KHDRBS2: variants seen among roughly 807,000 people sequenced by gnomAD.
KHDRBS2 encodes the protein KH RNA binding domain containing, signal transduction associated 2.
In KHDRBS2, 26 loss-of-function variants were observed where a neutral mutation model predicts 44.3. The observed-to-expected ratio is 0.59, with a 90% CI of 0.43 to 0.81. The LOEUF (loss-of-function observed/expected upper bound fraction) is 0.81. Ranked by LOEUF, KHDRBS2 falls within the 40% of genes least tolerant of loss-of-function variation. KHDRBS2 has a pLI of 0.00. For missense variants in KHDRBS2, 476 were observed against 433.1 expected, an observed-to-expected ratio of 1.10 and a Z score of -0.88; for synonymous variants, 194 against 151.1, an observed-to-expected ratio of 1.28 and a Z score of -2.08.
rs1219548161 is a variant in KHDRBS2 at position 61,954,943 on chromosome 6, TGTATACATATATATGTATATATAC to T, written c.483+23099_483+23122del. On this transcript the variant is annotated intron_variant, in intron 4 of 8. Transcript: ENST00000281156. ...ATATGTATACACATACATATGTATG[TGTATACATATATATGTATATATAC>T]GCATACATATGTATGTGTATACATA... 5.8e-4 allele frequency among the ~76,000 whole-genome samples: 40 copies of T among 69,472 alleles called. 5 individuals carry two copies. In the South Asian group the frequency reaches 0.015, roughly 26 times the overall value. The allele number at this position is 69,472 out of a possible 152,430, so 45.6% of individuals were successfully genotyped here.
At chr6:61,823,248 A>T (rs1381444466) in intron 6 of KHDRBS2, among the ~76,000 whole-genome samples, 1 of 152,064 alleles carries the variant, frequency 6.6e-6, no homozygotes, top group Non-Finnish European at 1.5e-5. Context: ...CTTAGTTCTC[A>T]CTAAAGGTTT....
chr6:62,012,954 G>C (rs1780568051), intron 3 of KHDRBS2, among the ~76,000 whole-genome samples: 1 of 152,130 alleles, frequency 6.6e-6, no homozygotes, highest in Non-Finnish European at 1.5e-5. Context: ...AATATCTCCA[G>C]CAACTAGGAA....
At chr6:62,005,706 A>G (rs1779086038) in intron 3 of KHDRBS2, among the ~76,000 whole-genome samples, 1 of 151,832 alleles carries the variant, frequency 6.6e-6, no homozygotes, top group Admixed American at 6.6e-5. Flanking sequence ...AATAAAGAAT[A>G]TAAAATAACA....
At chr6:62,018,401 G>A (rs1781632429) in intron 3 of KHDRBS2, among the ~76,000 whole-genome samples, 1 of 151,272 alleles carries the variant, frequency 6.6e-6, no homozygotes, top group Non-Finnish European at 1.5e-5. Context: ...AAACCAGGCC[G>A]GAGTGTAGTG....
the KHDRBS2 span, among the ~76,000 whole-genome samples, chr6:61,545,765 T>C: frequency 4.6e-5 from 7 of 151,892 alleles, no homozygotes; most frequent in African/African-American, 1.7e-4. Context: ...AAGGAAGTAA[T>C]TAAGGTTAAG....
intron 3 of KHDRBS2, among the ~76,000 whole-genome samples, chr6:62,042,804 A>C (rs764305086): frequency 5.3e-5 from 8 of 152,152 alleles, no homozygotes; most frequent in Non-Finnish European, 1.0e-4. Flanking sequence ...TAGAAACTGC[A>C]CATTATTACT....
rs182295439 is a variant in KHDRBS2 at position 61,856,171 on chromosome 6, A to C, written c.810+38464T>G. 3.0e-4 allele frequency among the ~76,000 whole-genome samples: 46 copies of C among 152,092 alleles called. 1 individual carries two copies. The East Asian group carries it at 7.7e-3, about 26-fold the overall frequency. On this transcript the variant is annotated intron_variant, in intron 6 of 8. Coordinates refer to ENST00000281156, the MANE Select transcript of KHDRBS2 (RefSeq NM_152688.4). Reference sequence around the variant, plus strand: ...ATTTCACTATGTGCTTTCATACTCCATTTAGCATTTTAATTTGTTTATTCC... The same window carrying C: ...ATTTCACTATGTGCTTTCATACTCCCTTTAGCATTTTAATTTGTTTATTCC...
rs530986660 is a variant in KHDRBS2, at chr6:61,788,142, G to A, written c.811-55378C>T. Among the ~76,000 whole-genome samples the A allele has an allele frequency of 2.0e-5, 3 of 151,608 alleles. No individual in the cohort carries two copies. In the South Asian group the frequency reaches 6.2e-4, roughly 31 times the overall value. On this transcript the variant is annotated intron_variant, in intron 6 of 8. Transcript: ENST00000281156. Reference sequence around the variant, plus strand: ...GGACAAAATAATGGTCTCATATGTTGTTACAAAATAAAATATTGCATTAGA... The same window carrying A: ...GGACAAAATAATGGTCTCATATGTTATTACAAAATAAAATATTGCATTAGA...
intron 6 of KHDRBS2, among the ~76,000 whole-genome samples, chr6:61,860,011 C>G (rs373113276): frequency 1.1e-3 from 165 of 151,952 alleles, no homozygotes; most frequent in African/African-American, 3.9e-3. Flanking sequence ...TTCAGTGTAT[C>G]ATAATCAATG....
chr6:61,689,377 T>A (rs553133189), intron 8 of KHDRBS2, among the ~76,000 whole-genome samples: 166 of 152,072 alleles, frequency 1.1e-3, no homozygotes, highest in African/African-American at 3.9e-3. Flanking sequence ...ACCCCCGAAT[T>A]TGTAGCCAGC....
chr6:62,082,442 G>C (rs1797585936), intron 2 of KHDRBS2, among the ~76,000 whole-genome samples: 1 of 151,760 alleles, frequency 6.6e-6, no homozygotes, highest in Admixed American at 6.6e-5. Flanking sequence ...TGAAGATGAA[G>C]GAAAATGATG....
At chr6:62,103,681 T>C (rs1802446978) in intron 2 of KHDRBS2, among the ~76,000 whole-genome samples, 2 of 151,974 alleles carry the variant, frequency 1.3e-5, no homozygotes, top group South Asian at 4.2e-4. Context: ...CCTGGCTCCC[T>C]GTGGCTCTGC....
intron 2 of KHDRBS2, among the ~76,000 whole-genome samples, chr6:62,170,648 G>A (rs968299980): frequency 1.3e-5 from 2 of 152,244 alleles, no homozygotes; most frequent in East Asian, 1.9e-4. Context: ...GCTGGCACAT[G>A]AGAACAACCA....
intron 7 of KHDRBS2, among the ~76,000 whole-genome samples, chr6:61,707,993 A>C (rs554793004): frequency 1.3e-5 from 2 of 151,820 alleles, no homozygotes; most frequent in Non-Finnish European, 3.0e-5. Context: ...AATATAAAAA[A>C]TATATAGCTT....
chr6:61,724,449 A>T (rs1298832843), intron 7 of KHDRBS2, among the ~76,000 whole-genome samples: 2 of 152,152 alleles, frequency 1.3e-5, no homozygotes, highest in East Asian at 3.9e-4. Flanking sequence ...AAAGGATCAA[A>T]TTTACATATA....
At chr6:61,671,088 C>T in the KHDRBS2 span, among the ~76,000 whole-genome samples, 1 of 151,536 alleles carries the variant, frequency 6.6e-6, no homozygotes. Flanking sequence ...AAAAAGTAGA[C>T]TGTGAATTTA....
At chr6:62,169,090 T>C (rs1394057035) in intron 2 of KHDRBS2, among the ~76,000 whole-genome samples, 1 of 138,122 alleles carries the variant, frequency 7.2e-6, no homozygotes, top group African/African-American at 2.6e-5. Flanking sequence ...TATATACACA[T>C]TTATATTTAT....
intron 4 of KHDRBS2, among the ~76,000 whole-genome samples, chr6:61,965,882 A>G (rs1769812350): frequency 6.6e-6 from 1 of 152,054 alleles, no homozygotes; most frequent in Admixed American, 6.6e-5. Context: ...TTTAAAATAT[A>G]ATAGACATTC....
In KHDRBS2 at chr6:61,680,959, ACCTTCAATATCTAC is replaced by A; in HGVS notation, c.1040_*3del. 1 of 1,592,898 alleles carries A rather than the reference ACCTTCAATATCTAC, an allele frequency of 6.3e-7. No homozygotes were observed. Among genetic ancestry groups the A allele is most frequent in the Non-Finnish European group, 8.6e-7 (1 of 1,162,796 alleles). On this transcript the variant is annotated stop_lost and 3_prime_UTR_variant, in exon 9 of 9. Transcript: ENST00000281156. ...TGAGGTGAGGTCACAGGTGGGAAGG[ACCTTCAATATCTAC>A]CATAGGGGTGTTCCCTGTATCCCCC...
Sources: allele counts gnomAD v4.1 joint callset (sites outside exome capture counted in the v4.1 genomes callset), GRCh38; gene constraint gnomAD v4.1.1; transcripts MANE v1.5; gene names NCBI Gene and HGNC (gene_info 2026-07-23, HGNC 2026-07-21).